Variants in PCCA observed in about 807,000 individuals in gnomAD.
The protein encoded by PCCA is propionyl-CoA carboxylase alpha chain, mitochondrial.
In PCCA, 74 loss-of-function variants were observed where a neutral mutation model predicts 101.3. The ratio of observed to expected loss-of-function variants is 0.73; its 90% CI spans 0.61 to 0.89. The LOEUF (loss-of-function observed/expected upper bound fraction) is 0.89, where lower values mean the gene tolerates loss of function less well. Among genes scored for constraint, PCCA ranks in the 40% least tolerant of loss-of-function variants. The pLI is 0.00. For missense variants in PCCA, 891 were observed against 907.0 expected (o/e 0.98, Z 0.23); for synonymous variants, 294 against 313.6 (o/e 0.94, Z 0.66).
intron 18 of PCCA, among the ~76,000 whole-genome samples, chr13:100,358,147 C>G (rs2074146705): frequency 6.6e-6 from 1 of 152,170 alleles, no homozygotes; most frequent in Non-Finnish European, 1.5e-5. Flanking sequence ...ATGGTTTGGA[C>G]TTTTTATTTA....
chr13:100,474,797 C>T (rs2083296770), intron 21 of PCCA, among the ~76,000 whole-genome samples: 1 of 152,076 alleles, frequency 6.6e-6, no homozygotes, highest in African/African-American at 2.4e-5. Flanking sequence ...GTCCATTTTG[C>T]AGGCCAGAAT....
chr13:100,227,868 AT>A (rs1387919994), intron 7 of PCCA, among the ~76,000 whole-genome samples: 1 of 152,078 alleles, frequency 6.6e-6, no homozygotes, highest in Non-Finnish European at 1.5e-5. Flanking sequence ...CACATTTTTA[AT>A]TTTTTTGTGT....
chr13:100,117,976 C>T (rs933218575), intron 4 of PCCA, among the ~76,000 whole-genome samples: 2 of 151,736 alleles, frequency 1.3e-5, no homozygotes, highest in East Asian at 1.9e-4. Context: ...ATTAGCCAGG[C>T]GTGGTGGCAG....
rs372133216 is a variant in PCCA at position 100,246,994 on chromosome 13, C to T, written c.638-10601C>T. Among the ~76,000 whole-genome samples the T allele has an allele frequency of 1.1e-3, 174 of 151,508 alleles. 5 individuals are homozygous for T. In the South Asian group the frequency reaches 0.032, roughly 27 times the overall value. On this transcript the variant is annotated intron_variant, in intron 8 of 23. Transcript: ENST00000376285. ...TGCGATCTTGGCTCAATGCAACCTCCGCCTCCCGGGTTCAAGTGATTCTCC... is the reference window on the plus strand; with the variant it reads ...TGCGATCTTGGCTCAATGCAACCTCTGCCTCCCGGGTTCAAGTGATTCTCC...
intron 12 of PCCA, among the ~76,000 whole-genome samples, chr13:100,281,200 A>G (rs1167572988): frequency 6.6e-6 from 1 of 152,168 alleles, no homozygotes; most frequent in East Asian, 1.9e-4. Context: ...TGAAAGTTCT[A>G]GACTTAATAA....
chr13:100,298,176 G>C (rs150164209), intron 12 of PCCA, among the ~76,000 whole-genome samples: 19 of 152,268 alleles, frequency 1.2e-4, no homozygotes, highest in African/African-American at 4.1e-4. Context: ...GGTAAGGATG[G>C]AGTAACAATA....
intron 19 of PCCA, among the ~76,000 whole-genome samples, chr13:100,410,254 G>GT (rs943908445): frequency 3.3e-5 from 5 of 151,622 alleles, no homozygotes; most frequent in African/African-American, 4.8e-5. Context: ...GTTTTGTTTT[G>GT]TTTTTTTGAG....
At chr13:100,167,521 C>T (rs2055168819) in intron 6 of PCCA, among the ~76,000 whole-genome samples, 1 of 151,726 alleles carries the variant, frequency 6.6e-6, no homozygotes. Flanking sequence ...TGCAGTCCAG[C>T]CTGGGTGACA....
At chr13:100,301,685 G>A in intron 13 of PCCA, 82 bp downstream of exon 13, 1 of 1,487,890 alleles carries the variant, frequency 6.7e-7, no homozygotes, top group Non-Finnish European at 9.4e-7. Flanking sequence ...ATGAGGTAAA[G>A]TTAGGGTTTT....
At position 100,403,000 on chromosome 13, in the gene PCCA, A is replaced by ATT. The variant is rs752322601; in HGVS notation, c.1747-22618_1747-22617dup. ...CCCAGAGGACCATGTGGAGAACTTA[A>ATT]TTTTTTTTTTTTTTTTAATTAAGCA... On this transcript the variant is annotated intron_variant, in intron 19 of 23. Coordinates refer to ENST00000376285, the MANE Select transcript of PCCA (RefSeq NM_000282.4). Among the ~76,000 whole-genome samples, 1,104 of 144,676 alleles carry ATT rather than the reference A, an allele frequency of 7.6e-3. 11 individuals are homozygous for ATT. The highest frequency in any genetic ancestry group is 0.027 in the African/African-American group (1,051 of 39,616). The allele number at this position is 144,676 out of a possible 152,430, so 94.9% of individuals were successfully genotyped here.
intron 21 of PCCA, among the ~76,000 whole-genome samples, chr13:100,466,423 A>G (rs979624326): frequency 6.6e-6 from 1 of 152,224 alleles, no homozygotes; most frequent in Non-Finnish European, 1.5e-5. Context: ...AGCCTTCCCA[A>G]GCCGGCATAT....
intron 2 of PCCA, among the ~76,000 whole-genome samples, chr13:100,110,356 A>G (rs2048199280): frequency 6.6e-6 from 1 of 152,208 alleles, no homozygotes; most frequent in African/African-American, 2.4e-5. Context: ...AGCTTGTACA[A>G]TTTTAGAGTA....
At chr13:100,185,284 T>G (rs2057153687) in intron 6 of PCCA, among the ~76,000 whole-genome samples, 2 of 152,184 alleles carry the variant, frequency 1.3e-5, no homozygotes, top group Admixed American at 6.5e-5. Context: ...TAGAATCATA[T>G]AGTTAAAAAA....
chr13:100,224,226 C>T (rs1480087941), intron 7 of PCCA, among the ~76,000 whole-genome samples: 3 of 152,244 alleles, frequency 2.0e-5, no homozygotes, highest in Non-Finnish European at 4.4e-5. Flanking sequence ...GGCGAGAAAT[C>T]GAGCGCAGTG....
chr13:100,422,923 T>C (rs1264342785), intron 19 of PCCA, among the ~76,000 whole-genome samples: 2 of 152,028 alleles, frequency 1.3e-5, no homozygotes, highest in African/African-American at 4.8e-5. Flanking sequence ...TTTGAGACTT[T>C]GGAGAACTAT....
At chr13:100,150,945 G>T in intron 4 of PCCA, 4 of 1,526,736 alleles carry the variant, frequency 2.6e-6, no homozygotes, top group South Asian at 1.1e-5. Flanking sequence ...TCGCAGCCCA[G>T]TCAGCGCGCT....
intron 19 of PCCA, among the ~76,000 whole-genome samples, chr13:100,411,777 G>T (rs1243937400): frequency 2.6e-5 from 4 of 152,140 alleles, no homozygotes; most frequent in Non-Finnish European, 5.9e-5. Flanking sequence ...AGCAGCTCTT[G>T]TGTCTCTTCT....
chr13:100,248,312 T>A (rs370195195), intron 8 of PCCA, among the ~76,000 whole-genome samples: 15 of 152,262 alleles, frequency 9.9e-5, no homozygotes, highest in South Asian at 6.2e-4. Context: ...TTAAAAAAAA[T>A]GTCTCTTGTT....
rs986163681 is a variant in PCCA at position 100,491,304 on chromosome 13, C to T, written c.1900-24123C>T. The T allele has an allele frequency of 6.5e-5, 11 of 168,124 alleles. No individual in the cohort carries two copies. The South Asian group carries it at 1.0e-3, about 16-fold the overall frequency. The allele number at this position is 168,124 out of a possible 1,614,324, so 10.4% of individuals were successfully genotyped here. A position where few individuals can be genotyped will look rare whatever the true frequency, so the allele number is the denominator to read the frequency against. ...TGGTGTTTTCAATGGCAGGAAGTAG[C>T]ATTGCTGCGTATTTTGTGTGTGTGC... On this transcript the variant is annotated intron_variant, in intron 21 of 23. Transcript: ENST00000376285.
Sources: gnomAD v4.1 joint callset for allele counts (sites outside exome capture counted in the v4.1 genomes callset) on GRCh38, gnomAD v4.1.1 for gene constraint, MANE v1.5 for transcripts, NCBI Gene and HGNC (gene_info 2026-07-23, HGNC 2026-07-21) for gene names.